The following RXYLT1 variants were observed in gnomAD, a reference collection of about 807,000 sequenced individuals.
RXYLT1 encodes ribitol xylosyltransferase 1, also known as ribitol-5-phosphate xylosyltransferase 1.
In RXYLT1, 41 loss-of-function variants were observed where a neutral mutation model predicts 43.5. That is an observed-to-expected ratio of 0.94 (90% CI 0.73 to 1.22). The LOEUF (loss-of-function observed/expected upper bound fraction) is 1.22, where lower values mean the gene tolerates loss of function less well. Among genes scored for constraint, RXYLT1 ranks in the 50% most tolerant of loss-of-function variants. The pLI, the probability that RXYLT1 is intolerant of heterozygous loss-of-function variation, is 0.00. For missense variants in RXYLT1, 514 were observed against 532.0 expected (o/e 0.97, Z 0.33); for synonymous variants, 166 against 194.4 (o/e 0.85, Z 1.21).
At chr12:63,799,385 G>T (rs937417775) in intron 3 of RXYLT1, among the ~76,000 whole-genome samples, 1 of 141,130 alleles carries the variant, frequency 7.1e-6, no homozygotes, top group Non-Finnish European at 1.5e-5. Flanking sequence ...GCTCACTGCA[G>T]CCTTGACTTC....
chr12:63,806,770 C>T (rs1898302745), intron 5 of RXYLT1: 1 of 152,268 alleles, frequency 6.6e-6, no homozygotes, highest in Non-Finnish European at 1.5e-5. Context: ...GCAGACAAAA[C>T]CATCCATCAC....
intron 2 of RXYLT1, chr12:63,782,446 T>C (rs1897706747): frequency 2.2e-6 from 1 of 452,818 alleles, no homozygotes; most frequent in South Asian, 1.6e-5. Context: ...AGCACAAGTT[T>C]GCAGCTTCGT....
Position 63,779,912 on chromosome 12 carries a change from T to G in RXYLT1, c.-49T>G, listed in dbSNP as rs555205699. 1 of 1,605,012 alleles carries G rather than the reference T, an allele frequency of 6.2e-7. No homozygotes were observed. The highest frequency in any genetic ancestry group is 1.3e-5 in the African/African-American group (1 of 74,456). On this transcript the variant is annotated 5_prime_UTR_variant, in exon 1 of 6. Coordinates refer to ENST00000261234, the MANE Select transcript of RXYLT1 (RefSeq NM_014254.3). ...GACGCCGCCGGTGTCGCGGATTCTCTTTCCGCCCGCTCCATGGCGGTGGAT... is the reference window on the plus strand; with the variant it reads ...GACGCCGCCGGTGTCGCGGATTCTCGTTCCGCCCGCTCCATGGCGGTGGAT...
At chr12:63,800,508 AATAC>A (rs1898135170) in intron 3 of RXYLT1, among the ~76,000 whole-genome samples, 3 of 152,330 alleles carry the variant, frequency 2.0e-5, no homozygotes, top group Admixed American at 2.0e-4. Context: ...TGTTCTATTT[AATAC>A]ATACTAGTGA....
At chr12:63,787,093 G>A (rs116866276) in intron 3 of RXYLT1, among the ~76,000 whole-genome samples, 5,021 of 151,796 alleles carry the variant, frequency 0.033, 113 homozygotes, top group Middle Eastern at 0.065. Flanking sequence ...AACCCCGGGC[G>A]ACAGAATGAG....
At chr12:63,786,273 G>T (rs1442732336) in intron 3 of RXYLT1, among the ~76,000 whole-genome samples, 1 of 152,082 alleles carries the variant, frequency 6.6e-6, no homozygotes, top group Non-Finnish European at 1.5e-5. Context: ...AATAGTGAAA[G>T]ATTTGAGCAA....
At chr12:63,805,953 G>GT (rs1898282341) in intron 5 of RXYLT1, 1 of 152,206 alleles carries the variant, frequency 6.6e-6, no homozygotes, top group African/African-American at 2.4e-5. Flanking sequence ...CTTTTATGTA[G>GT]TAACCAGGAA....
intron 4 of RXYLT1, 55 bp from the exon 5 acceptor site, chr12:63,805,179 G>A: frequency 7.0e-7 from 1 of 1,429,270 alleles, no homozygotes; most frequent in Non-Finnish European, 9.4e-7. Flanking sequence ...TGGGTTATGG[G>A]GAATTTTTGC....
At position 63,805,042 on chromosome 12, in the gene RXYLT1, G is replaced by A; in HGVS notation, c.744-192G>A. The A allele has an allele frequency of 8.9e-6, 4 of 451,790 alleles. No individual in the cohort carries two copies. The East Asian group carries it at 1.0e-4, about 12-fold the overall frequency. 28.0% of individuals were successfully genotyped at this position (451,790 alleles called of 1,614,324 possible). On this transcript the variant is annotated intron_variant, in intron 4 of 5. Coordinates refer to ENST00000261234, the MANE Select transcript of RXYLT1 (RefSeq NM_014254.3). ...TAACACTTTTGTAAGAGATGTCAGT[G>A]TGAAATTCAATTTTTTTAAGTCAGT...
Position 63,808,797 on chromosome 12 carries a change from C to T in RXYLT1, c.1037C>T (p.Ser346Phe). Residue 346 changes from serine to phenylalanine, a missense_variant, in exon 6 of 6, where the codon TCC becomes TTC. Ser to Phe is a radical substitution (Grantham distance 155). Coordinates refer to ENST00000261234, the MANE Select transcript of RXYLT1 (RefSeq NM_014254.3). ...TGCTATCGAATCTATGAGGCTTGCT[C>T]CTATGGCTCCATTCCTGTGGTGGAA... ...TECYRIYEAC[S>F]YGSIPVVEDV... is the part of the protein sequence containing the mutation. 6.2e-7 allele frequency: 1 copy of T among 1,614,030 alleles called. No homozygotes were observed.
At chr12:63,797,316 C>T (rs1375715009) in intron 3 of RXYLT1, among the ~76,000 whole-genome samples, 2 of 152,120 alleles carry the variant, frequency 1.3e-5, no homozygotes, top group Non-Finnish European at 2.9e-5. Context: ...AATATGCATA[C>T]TCTACCATGT....
rs998347816 is a variant in RXYLT1 at position 63,780,882 on chromosome 12, A to C, written c.170-137A>C. On this transcript the variant is annotated intron_variant, in intron 1 of 5. Coordinates refer to ENST00000261234, the MANE Select transcript of RXYLT1 (RefSeq NM_014254.3). ...TTTTTTGTTTTCATTGTGTATTACC[A>C]GTTTAAATTCAGTTGCTGTACCTCT... The C allele has an allele frequency of 9.9e-5, 69 of 695,004 alleles. 2 individuals are homozygous for C. The highest frequency in any genetic ancestry group is 3.2e-5 in the East Asian group (1 of 31,138). 43.1% of individuals were successfully genotyped at this position (695,004 alleles called of 1,614,324 possible).
Position 63,805,368 on chromosome 12 carries a change from G to A in RXYLT1, c.878G>A (p.Gly293Glu). Reference sequence around the variant, plus strand: ...CTAATGAACATTTTGAAAAAAGATGGGAACGATAAGCTTTGTTGGGTTTCA... The same window carrying A: ...CTAATGAACATTTTGAAAAAAGATGAGAACGATAAGCTTTGTTGGGTTTCA... ...QALMNILKKD[G>E]NDKLCWVSAR... Residue 293 changes from glycine to glutamate, a missense_variant, in exon 5 of 6, where the codon GGG (glycine) becomes GAG (glutamate). Coordinates refer to ENST00000261234, the MANE Select transcript of RXYLT1 (RefSeq NM_014254.3). 12 of 1,608,698 alleles carry A rather than the reference G, an allele frequency of 7.5e-6. No individual in the cohort carries two copies. Among genetic ancestry groups the A allele is most frequent in the Non-Finnish European group, 8.5e-6 (10 of 1,178,226 alleles).
At chr12:63,808,609 G>A (rs1208211020) in intron 5 of RXYLT1, 66 bp from the exon 6 acceptor site, 5 of 1,510,190 alleles carry the variant, frequency 3.3e-6, no homozygotes, top group Non-Finnish European at 4.5e-6. Context: ...AAAAGATAAG[G>A]TATTTTTGTT....
chr12:63,786,524 T>A (rs77449381), intron 3 of RXYLT1, among the ~76,000 whole-genome samples: 1 of 150,654 alleles, frequency 6.6e-6, no homozygotes, highest in Non-Finnish European at 1.5e-5. Flanking sequence ...AAAAAAAAAA[T>A]ACGTACCTTA....
intron 3 of RXYLT1, among the ~76,000 whole-genome samples, chr12:63,792,383 G>A (rs1229039873): frequency 1.3e-5 from 2 of 152,188 alleles, no homozygotes; most frequent in Non-Finnish European, 2.9e-5. Flanking sequence ...CTGTTCAGCC[G>A]ATGTCTCACC....
chr12:63,799,354 A>C (rs1898108080), intron 3 of RXYLT1, among the ~76,000 whole-genome samples: 1 of 140,256 alleles, frequency 7.1e-6, no homozygotes, highest in Non-Finnish European at 1.5e-5. Flanking sequence ...ACCCAGGCTG[A>C]AGTGCAGTGG....
intron 3 of RXYLT1, among the ~76,000 whole-genome samples, chr12:63,800,154 A>G (rs1898127863): frequency 6.6e-6 from 1 of 152,220 alleles, no homozygotes; most frequent in Non-Finnish European, 1.5e-5. Context: ...GGAGTTATGG[A>G]AAAACTTAAG....
intron 3 of RXYLT1, among the ~76,000 whole-genome samples, chr12:63,791,806 CAACCCTATG>C (rs1400125011): frequency 6.6e-6 from 1 of 152,226 alleles, no homozygotes; most frequent in African/African-American, 2.4e-5. Flanking sequence ...ATCCTTACCA[CAACCCTATG>C]AAGTATCATT....
Sources: allele counts gnomAD v4.1 joint callset (sites outside exome capture counted in the v4.1 genomes callset), GRCh38; gene constraint gnomAD v4.1.1; transcripts MANE v1.5; gene names NCBI Gene and HGNC (gene_info 2026-07-23, HGNC 2026-07-21).